Variants in PARP6 observed in about 807,000 individuals in gnomAD.
The protein encoded by PARP6 is poly(ADP-ribose) polymerase family member 6, also known as protein mono-ADP-ribosyltransferase PARP6.
Under a neutral mutation model 92.0 loss-of-function variants are expected in PARP6, and 27 were observed. The observed-to-expected ratio is 0.29, with a 90% CI of 0.22 to 0.40. The LOEUF (loss-of-function observed/expected upper bound fraction) is 0.40, where lower values mean the gene tolerates loss of function less well. Among genes scored for constraint, PARP6 ranks in the 10% least tolerant of loss-of-function variants. The probability of loss-of-function intolerance (pLI) is 1.00; values close to 1 mark genes in which losing one functional copy is unlikely to be tolerated. For missense variants in PARP6, 501 were observed against 784.5 expected (o/e 0.64, Z 4.32); for synonymous variants, 272 against 281.2 (o/e 0.97, Z 0.33).
intron 20 of PARP6, chr15:72,244,994 CA>C (rs2083438900): frequency 6.6e-6 from 1 of 152,600 alleles, no homozygotes; most frequent in African/African-American, 2.4e-5. Flanking sequence ...AGAGCTTGTG[CA>C]GCAAAACTCC....
intron 16 of PARP6, 21 bp downstream of exon 16, chr15:72,253,416 G>A: frequency 6.3e-7 from 1 of 1,594,610 alleles, no homozygotes; most frequent in Non-Finnish European, 8.6e-7. Flanking sequence ...ACCCAAGAAG[G>A]ATGAGCCATT....
chr15:72,271,975 A>T (rs2087503693), intron 1 of PARP6, among the ~76,000 whole-genome samples: 1 of 152,198 alleles, frequency 6.6e-6, no homozygotes, highest in Non-Finnish European at 1.5e-5. Flanking sequence ...TCAGAGCTCA[A>T]TGTTTAAATT....
intron 1 of PARP6, among the ~76,000 whole-genome samples, chr15:72,271,750 A>G (rs545827431): frequency 6.6e-6 from 1 of 152,374 alleles, no homozygotes; most frequent in African/African-American, 2.4e-5. Context: ...GAGGTAAAGA[A>G]TGGGCCCTTT....
In PARP6 at chr15:72,241,228, T is replaced by G. The variant is rs181347080; in HGVS notation, c.*227A>C. On this transcript the variant is annotated 3_prime_UTR_variant, in exon 24 of 24. Coordinates refer to ENST00000569795, the MANE Select transcript of PARP6 (RefSeq NM_001323532.2). The surrounding 1 kb of genome is among the most constrained non-coding windows in gnomAD (Gnocchi z 4.1). ...TTTATTGTTTTATTTACAAACAGGG[T>G]GAAGTCAAAGGGAAAGTCAGGGGAT... The G allele has an allele frequency of 2.9e-5, 19 of 661,016 alleles. No individual in the cohort carries two copies. In the African/African-American group the frequency reaches 3.0e-4, roughly 10 times the overall value. 40.9% of individuals were successfully genotyped at this position (661,016 alleles called of 1,614,324 possible).
Position 72,265,418 on chromosome 15 carries a change from G to A in PARP6, c.232C>T (p.Leu78Phe), listed in dbSNP as rs1328886941. 1 of 1,612,806 alleles carries A rather than the reference G, an allele frequency of 6.2e-7. No individual in the cohort carries two copies. The highest frequency in any genetic ancestry group is 1.7e-5 in the Admixed American group (1 of 60,014). Residue 78 changes from leucine to phenylalanine, a missense_variant, in exon 6 of 24, where the codon CTC (leucine) becomes TTC (phenylalanine). Leu to Phe is a conservative substitution (Grantham distance 22, BLOSUM62 0). Transcript: ENST00000569795. ...DIDLHINISF[L>F]DEEVSTAWKV... is the part of the protein sequence containing the mutation. ...CAGGTACTAGCCCCACTTACATCGA[G>A]GAAGCTGATGTTGATGTGGAGGTCA... is the stretch of plus-strand genomic sequence containing the variant.
chr15:72,241,877 C>T lies in PARP6; in HGVS notation c.1790+24G>A, dbSNP rs1375852644. ...CCCCCAACCTCACTCCTCGAGTAAT[C>T]CCCAGAGTCCCTCCGACACTTACAC... On this transcript the variant is annotated intron_variant, in intron 23 of 23. Coordinates refer to ENST00000569795, the MANE Select transcript of PARP6 (RefSeq NM_001323532.2). The surrounding 1 kb of genome is among the most constrained non-coding windows in gnomAD (Gnocchi z 4.1). 5 of 1,558,798 alleles carry T rather than the reference C, an allele frequency of 3.2e-6. No homozygotes were observed. The highest frequency in any genetic ancestry group is 4.4e-6 in the Non-Finnish European group (5 of 1,129,916).
In PARP6 at chr15:72,272,547, C is replaced by T. The variant is rs2087605733; in HGVS notation, c.-614G>A. 1 of 150,822 alleles carries T rather than the reference C, an allele frequency of 6.6e-6. No homozygotes were observed. Among genetic ancestry groups the T allele is most frequent in the African/African-American group, 2.4e-5 (1 of 41,268 alleles). 9.3% of individuals were successfully genotyped at this position (150,822 alleles called of 1,614,324 possible). A position where few individuals can be genotyped will look rare whatever the true frequency, so the allele number is the denominator to read the frequency against. On this transcript the variant is annotated 5_prime_UTR_variant, in exon 1 of 24. Transcript: ENST00000569795. The stretch of plus-strand genomic sequence containing the variant: ...CGGCCGCAGCCGACGGGACGAGCGG[C>T]CCGGGACGCCCCGCGGGGGCGGAGC...
At position 72,250,825 on chromosome 15, in the gene PARP6, C is replaced by T; in HGVS notation, c.1418+20G>A. The T allele has an allele frequency of 7.0e-7, 1 of 1,435,882 alleles. No individual in the cohort carries two copies. The highest frequency in any genetic ancestry group is 9.7e-7 in the Non-Finnish European group (1 of 1,028,728). The allele number at this position is 1,435,882 out of a possible 1,614,324, so 88.9% of individuals were successfully genotyped here. ...CCCGCCCCCTCACCACCCCCACTGC[C>T]CAGCCCCCAGCCTCCTCACTGGAAG... On this transcript the variant is annotated intron_variant, in intron 18 of 23. Transcript: ENST00000569795.
In PARP6 at chr15:72,254,270, TAA is replaced by T. The variant is rs1030582033; in HGVS notation, c.1191+183_1191+184del. 1.4e-4 allele frequency among the ~76,000 whole-genome samples: 22 copies of T among 151,748 alleles called. 1 individual carries two copies. Among genetic ancestry groups the T allele is most frequent in the African/African-American group, 5.3e-4 (22 of 41,344 alleles). On this transcript the variant is annotated intron_variant, in intron 15 of 23. Coordinates refer to ENST00000569795, the MANE Select transcript of PARP6 (RefSeq NM_001323532.2). ...ATTGAGACACAAAGACTAAAGAGAA[TAA>T]AGAGGAGTAACAGAGCTAACAAAAC...
At chr15:72,247,375 G>A (rs958225980) in intron 20 of PARP6, among the ~76,000 whole-genome samples, 8 of 151,948 alleles carry the variant, frequency 5.3e-5, no homozygotes, top group African/African-American at 1.9e-4. Context: ...GTATTGCCAT[G>A]TTGCCCAGGC....
intron 11 of PARP6, among the ~76,000 whole-genome samples, chr15:72,259,388 C>T (rs994298696): frequency 3.3e-5 from 5 of 152,184 alleles, no homozygotes; most frequent in Admixed American, 6.5e-5. Flanking sequence ...TTAAAATTGG[C>T]GGTGCCTCAT....
Position 72,264,562 on chromosome 15 carries a change from A to G in PARP6, c.388T>C (p.Leu130=), listed in dbSNP as rs2086316733. Reference sequence around the variant, plus strand: ...AAAGACCAAAGTTCTTACTTTTTCAACTGAAGACCCAGCCCAAATCCTTCC... The same window carrying G: ...AAAGACCAAAGTTCTTACTTTTTCAGCTGAAGACCCAGCCCAAATCCTTCC... ...NKEGFGLGLQ[L]KKILGMFTSQ... Residue 130 remains leucine, a synonymous_variant, in exon 8 of 24, where the codon TTG becomes CTG. Transcript: ENST00000569795. 3 of 1,613,518 alleles carry G rather than the reference A, an allele frequency of 1.9e-6. No homozygotes were observed. Among genetic ancestry groups the G allele is most frequent in the Non-Finnish European group, 2.5e-6 (3 of 1,179,528 alleles).
At position 72,254,468 on chromosome 15, in the gene PARP6, C is replaced by G; in HGVS notation, c.1178G>C (p.Arg393Pro). The G allele has an allele frequency of 6.2e-7, 1 of 1,612,576 alleles. No individual in the cohort carries two copies. The highest frequency in any genetic ancestry group is 8.5e-7 in the Non-Finnish European group (1 of 1,178,638). Residue 393 changes from arginine to proline, a missense_variant, in exon 15 of 24, where the codon CGG becomes CCG. Arg to Pro is a moderately radical substitution (Grantham distance 103, BLOSUM62 -2). Transcript: ENST00000569795. ...AAGGCAGAATACCTGGGTCATCTCC[C>G]GAATAGACATCACACTATCCAGAGC... ...QKALDSVMSIREMTQGSYLEI... is the reference protein window; with the variant it reads ...QKALDSVMSIPEMTQGSYLEI...
intron 6 of PARP6, 47 bp downstream of exon 6, chr15:72,265,366 C>G: frequency 6.6e-7 from 1 of 1,522,200 alleles, no homozygotes; most frequent in East Asian, 2.2e-5. Context: ...TGACAAATTC[C>G]ACAAGTCCAG....
chr15:72,262,811 A>G (rs2086076491), intron 8 of PARP6, among the ~76,000 whole-genome samples: 1 of 152,136 alleles, frequency 6.6e-6, no homozygotes, highest in South Asian at 2.1e-4. Context: ...ACCTACCTGC[A>G]GTGTTTCTTC....
chr15:72,266,180 C>G (rs567702334), intron 4 of PARP6, among the ~76,000 whole-genome samples, 189 bp from the exon 5 acceptor site: 1 of 152,294 alleles, frequency 6.6e-6, no homozygotes, highest in African/African-American at 2.4e-5. Context: ...TAACAGAGGT[C>G]TCCATCTCAT....
intron 11 of PARP6, among the ~76,000 whole-genome samples, chr15:72,258,469 G>C (rs2085420989): frequency 6.6e-6 from 1 of 152,196 alleles, no homozygotes; most frequent in Non-Finnish European, 1.5e-5. Flanking sequence ...TAGGGGTATT[G>C]CAAGAAATGA....
intron 17 of PARP6, 50 bp downstream of exon 17, chr15:72,251,157 C>A (rs771889635): frequency 7.8e-7 from 1 of 1,280,540 alleles, no homozygotes; most frequent in Admixed American, 1.7e-5. Flanking sequence ...CAGCCCCTCC[C>A]TGCCCCTCAC....
intron 2 of PARP6, among the ~76,000 whole-genome samples, chr15:72,268,319 A>G (rs1455213786): frequency 6.6e-6 from 1 of 152,268 alleles, no homozygotes; most frequent in East Asian, 1.9e-4. Context: ...TCTTCAGAGT[A>G]CCAACTCACA....
Sources: allele counts gnomAD v4.1 joint callset (sites outside exome capture counted in the v4.1 genomes callset), GRCh38; gene constraint gnomAD v4.1.1; non-coding constraint Gnocchi (gnomAD v3.1); transcripts MANE v1.5; gene names NCBI Gene and HGNC (gene_info 2026-07-23, HGNC 2026-07-21).